Variants in OXTR observed in about 807,000 individuals in gnomAD.
The protein encoded by OXTR is oxytocin receptor.
A neutral mutation model predicts 23.9 loss-of-function variants in OXTR; 19 were observed. That is an observed-to-expected ratio of 0.80 (90% confidence interval 0.56 to 1.17). OXTR has a LOEUF of 1.17. Ranked by LOEUF, OXTR falls within the 50% of genes most tolerant of loss-of-function variation. The probability of loss-of-function intolerance (pLI) is 0.00; values close to 1 mark genes in which losing one functional copy is unlikely to be tolerated. For missense variants in OXTR, 500 were observed against 550.7 expected (o/e 0.91, Z 0.92); for synonymous variants, 278 against 250.5 (o/e 1.11, Z -1.04).
intron 3 of OXTR, among the ~76,000 whole-genome samples, chr3:8,757,279 C>CATTAGTATTAAT (rs892458662): frequency 6.7e-6 from 1 of 148,936 alleles, no homozygotes. Context: ...TTATCATTAA[C>CATTAGTATTAAT]ATTAGTATTA....
At chr3:8,746,417 C>G (rs1559656465), downstream of OXTR, 1 of 153,444 alleles carries the variant, frequency 6.5e-6, no homozygotes, top group East Asian at 1.9e-4. Context: ...AAGTGAAGAA[C>G]AGAGTCTTTT....
Position 8,751,353 on chromosome 3 carries a change from G to C in OXTR, c.*1624C>G, listed in dbSNP as rs976056718. 10 of 152,048 alleles carry C rather than the reference G, an allele frequency of 6.6e-5. No individual in the cohort carries two copies. Among genetic ancestry groups the C allele is most frequent in the Non-Finnish European group, 4.4e-5 (3 of 68,024 alleles). 9.4% of individuals were successfully genotyped at this position (152,048 alleles called of 1,614,324 possible). On this transcript the variant is annotated 3_prime_UTR_variant, in exon 4 of 4. Transcript: ENST00000316793. Reference sequence around the variant, plus strand: ...AGGTTATCTTTTCACCTTCTTGATAGGGTCTTTTCAATCACAAAAGCTTCA... The same window carrying C: ...AGGTTATCTTTTCACCTTCTTGATACGGTCTTTTCAATCACAAAAGCTTCA...
the OXTR span, among the ~76,000 whole-genome samples, chr3:8,744,490 G>T: frequency 7.1e-6 from 1 of 139,950 alleles, no homozygotes; most frequent in African/African-American, 2.9e-5. Flanking sequence ...TAGAGACAGG[G>T]TTTCACTGTG....
chr3:8,748,054 TATG>T (rs1223662918), downstream of OXTR, among the ~76,000 whole-genome samples: 2 of 152,184 alleles, frequency 1.3e-5, no homozygotes, highest in Admixed American at 1.3e-4. Flanking sequence ...ACATTGGGGT[TATG>T]ATGAGAATGG....
chr3:8,749,188 G>A (rs1360195782), downstream of OXTR, among the ~76,000 whole-genome samples: 1 of 152,164 alleles, frequency 6.6e-6, no homozygotes, highest in African/African-American at 2.4e-5. Flanking sequence ...CTCTCAAGGA[G>A]ATGGGTGGGG....
downstream of OXTR, chr3:8,750,279 GAGTA>G (rs1708229574): frequency 2.0e-5 from 3 of 152,122 alleles, no homozygotes; most frequent in South Asian, 6.2e-4. Flanking sequence ...CAGTAAAACT[GAGTA>G]AGAAAATGAT....
the OXTR span, among the ~76,000 whole-genome samples, chr3:8,741,577 C>G: frequency 5.9e-5 from 9 of 152,242 alleles, no homozygotes; most frequent in East Asian, 1.7e-3. Flanking sequence ...CCTAGGATCT[C>G]AGAGAGGGAA....
At chr3:8,765,195 A>C (rs1481169389) in intron 3 of OXTR, among the ~76,000 whole-genome samples, 1 of 152,200 alleles carries the variant, frequency 6.6e-6, no homozygotes, top group Non-Finnish European at 1.5e-5. Flanking sequence ...GAAAAGATCT[A>C]AACTTCGCTT....
At chr3:8,760,318 A>G (rs946326325) in intron 3 of OXTR, among the ~76,000 whole-genome samples, 1 of 152,178 alleles carries the variant, frequency 6.6e-6, no homozygotes, top group African/African-American at 2.4e-5. Flanking sequence ...CTGTGGGTGT[A>G]CCCAGAACTC....
At chr3:8,758,348 G>A (rs1708419263) in intron 3 of OXTR, among the ~76,000 whole-genome samples, 1 of 152,102 alleles carries the variant, frequency 6.6e-6, no homozygotes, top group Non-Finnish European at 1.5e-5. Context: ...GAGGCTACCG[G>A]CACGTTTCAT....
intron 3 of OXTR, among the ~76,000 whole-genome samples, chr3:8,765,016 G>A (rs182916665): frequency 4.2e-4 from 64 of 152,316 alleles, no homozygotes; most frequent in African/African-American, 1.4e-3. Flanking sequence ...GCTTCAGCAG[G>A]AGCCCGTCTC....
At chr3:8,748,405 A>C (rs1016302360), downstream of OXTR, among the ~76,000 whole-genome samples, 1 of 152,098 alleles carries the variant, frequency 6.6e-6, no homozygotes, top group Non-Finnish European at 1.5e-5. Flanking sequence ...CTGATAACTG[A>C]GTGCACCTGT....
Position 8,767,641 on chromosome 3 carries a change from C to G in OXTR, c.547G>C (p.Gly183Arg). 1 of 1,612,886 alleles carries G rather than the reference C, an allele frequency of 6.2e-7. No homozygotes were observed. The change falls in exon 3 of 4, where the codon GGC (glycine) becomes CGC (arginine). Residue 183 changes from glycine (G) to arginine (R), a missense_variant. By Grantham distance (125) the Gly-to-Arg change is moderately radical. Coordinates refer to ENST00000316793, the MANE Select transcript of OXTR (RefSeq NM_000916.4). The part of the protein sequence containing the change: ...HIFSLREVAD[G>R]VFDCWAVFIQ... ...AAGACGGCCCAGCAGTCGAAGACGC[C>G]GTCAGCCACCTCGCGCAGAGAGAAG...
rs541330535 is a variant in OXTR at position 8,756,709 on chromosome 3, G to A, written c.923-3485C>T. Among the ~76,000 whole-genome samples, 48 of 152,304 alleles carry A rather than the reference G, an allele frequency of 3.2e-4. 1 individual carries two copies. Among genetic ancestry groups the A allele is most frequent in the East Asian group, 2.5e-3 (13 of 5,176 alleles). On this transcript the variant is annotated intron_variant, in intron 3 of 3. Coordinates refer to ENST00000316793, the MANE Select transcript of OXTR (RefSeq NM_000916.4). ...CTGCCTGCCAAATGCTCACAGCTGAGCTCCTCTCTGGGCATTGCCTTTGGC... is the reference window on the plus strand; with the variant it reads ...CTGCCTGCCAAATGCTCACAGCTGAACTCCTCTCTGGGCATTGCCTTTGGC...
At chr3:8,742,388 A>AAGG in the OXTR span, 1 of 366,812 alleles carries the variant, frequency 2.7e-6, no homozygotes, top group Admixed American at 3.8e-5. Flanking sequence ...GAAGAAGAAG[A>AAGG]AGAAAGATAA....
At chr3:8,745,827 T>C (rs756611208), downstream of OXTR, 6 of 1,613,584 alleles carry the variant, frequency 3.7e-6, no homozygotes, top group Admixed American at 3.3e-5. This position sits in a 1 kb window ranked among gnomAD's most constrained non-coding sequence, Gnocchi z 4.8. Flanking sequence ...CTGGGCCAGG[T>C]CTGCAGCAGC....
intron 3 of OXTR, among the ~76,000 whole-genome samples, chr3:8,762,594 C>T (rs1248943858): frequency 2.0e-5 from 3 of 152,196 alleles, no homozygotes; most frequent in Non-Finnish European, 2.9e-5. Context: ...CACTGGGTCA[C>T]CTCAAGAAAA....
chr3:8,753,355 G>A (rs1708310623), intron 3 of OXTR, 131 bp from the exon 4 acceptor site: 2 of 1,116,292 alleles, frequency 1.8e-6, no homozygotes, highest in South Asian at 3.1e-5. Flanking sequence ...TGAATCACAA[G>A]ATGAGGTACT....
chr3:8,762,507 G>A (rs373141228), intron 3 of OXTR, among the ~76,000 whole-genome samples: 3 of 152,180 alleles, frequency 2.0e-5, no homozygotes, highest in Non-Finnish European at 4.4e-5. Context: ...CAGAAGGGCC[G>A]AGCTTGTGCA....
Sources: allele counts gnomAD v4.1 joint callset (sites outside exome capture counted in the v4.1 genomes callset), GRCh38; gene constraint gnomAD v4.1.1; non-coding constraint Gnocchi (gnomAD v3.1); transcripts MANE v1.5; gene names NCBI Gene and HGNC (gene_info 2026-07-23, HGNC 2026-07-21).